CDH17: variants seen among roughly 807,000 people sequenced by gnomAD.
CDH17 encodes cadherin-17.
In CDH17, 67 loss-of-function variants were observed where a neutral mutation model predicts 86.3. The ratio of observed to expected loss-of-function variants is 0.78; its 90% CI spans 0.64 to 0.95. The LOEUF is 0.95. Ranked by LOEUF, CDH17 falls within the 40% of genes least tolerant of loss-of-function variation. CDH17 has a pLI of 0.00. For synonymous variants in CDH17, 367 were observed against 366.4 expected, an observed-to-expected ratio of 1.00 and a Z score of -0.02; for missense variants, 993 against 1,017.6, an observed-to-expected ratio of 0.98 and a Z score of 0.33.
At position 94,146,279 on chromosome 8, in the gene CDH17, AGAC is replaced by A. The variant is rs1247329140; in HGVS notation, c.1928-115_1928-113del. 9.4e-5 allele frequency: 90 copies of A among 957,088 alleles called. No individual in the cohort carries two copies. In the East Asian group the frequency reaches 2.3e-3, roughly 25 times the overall value. 59.3% of individuals were successfully genotyped at this position (957,088 alleles called of 1,614,324 possible). A position where few individuals can be genotyped will look rare whatever the true frequency, so the allele number is the denominator to read the frequency against. On this transcript the variant is annotated intron_variant, in intron 14 of 17. Coordinates refer to ENST00000027335, the MANE Select transcript of CDH17 (RefSeq NM_004063.4). ...AGTTAGGTACACTGAGATGCTAGAA[AGAC>A]GACAAGCTTTTAGAATCAAAGACCT...
In CDH17 at chr8:94,161,848, A is replaced by G. The variant is rs550822978; in HGVS notation, c.1359+238T>C. Among the ~76,000 whole-genome samples the G allele has an allele frequency of 2.0e-5, 3 of 152,340 alleles. No individual in the cohort carries two copies. In the South Asian group the frequency reaches 6.2e-4, roughly 32 times the overall value. On this transcript the variant is annotated intron_variant, in intron 11 of 17. Transcript: ENST00000027335. ...GTTGTTGTTTTTAAGCAGCCCTTGG[A>G]ATAAATGAGCTATTGGCAGGAGTTT...
At chr8:94,159,082 A>C (rs1563573489) in intron 12 of CDH17, among the ~76,000 whole-genome samples, 1 of 152,162 alleles carries the variant, frequency 6.6e-6, no homozygotes, top group Non-Finnish European at 1.5e-5. Flanking sequence ...CTGTAAGTAC[A>C]TTGGACGGCA....
intron 15 of CDH17, among the ~76,000 whole-genome samples, chr8:94,143,436 A>C (rs954899044): frequency 6.6e-5 from 10 of 152,188 alleles, no homozygotes; most frequent in Non-Finnish European, 1.2e-4. Flanking sequence ...CTAGTATTTT[A>C]GGAATGCTAA....
chr8:94,195,504 AG>A (rs1324085114), intron 1 of CDH17, among the ~76,000 whole-genome samples: 3 of 152,216 alleles, frequency 2.0e-5, no homozygotes, highest in African/African-American at 7.2e-5. Context: ...AATAAACCTA[AG>A]AAAAAATTAA....
chr8:94,189,655 A>G (rs1044744615), intron 2 of CDH17, among the ~76,000 whole-genome samples: 5 of 152,136 alleles, frequency 3.3e-5, no homozygotes, highest in African/African-American at 1.2e-4. Context: ...TCTAAATTAT[A>G]TATGTTTTTA....
chr8:94,186,882 G>A (rs920754831), intron 3 of CDH17, among the ~76,000 whole-genome samples: 18 of 152,230 alleles, frequency 1.2e-4, no homozygotes, highest in African/African-American at 2.6e-4. Flanking sequence ...GCTGACCTCC[G>A]CAGGCATGCA....
At chr8:94,190,383 C>T (rs7846243) in intron 2 of CDH17, among the ~76,000 whole-genome samples, 11,158 of 152,238 alleles carry the variant, frequency 0.073, 1,349 homozygotes, top group African/African-American at 0.25. Context: ...AGTCTCAGAA[C>T]ATGGGGAGCA....
chr8:94,128,810 C>T (rs191445402), intron 17 of CDH17, among the ~76,000 whole-genome samples: 88 of 152,272 alleles, frequency 5.8e-4, no homozygotes, highest in African/African-American at 2.1e-3. Context: ...TCATCGTGTC[C>T]ATACCAACTA....
At chr8:94,183,693 C>T (rs1813524865) in intron 3 of CDH17, among the ~76,000 whole-genome samples, 1 of 151,710 alleles carries the variant, frequency 6.6e-6, no homozygotes, top group Non-Finnish European at 1.5e-5. Context: ...GTACAAATAA[C>T]AATAACAATA....
intron 1 of CDH17, among the ~76,000 whole-genome samples, chr8:94,203,557 T>G (rs959673706): frequency 6.6e-6 from 1 of 152,204 alleles, no homozygotes; most frequent in Non-Finnish European, 1.5e-5. Flanking sequence ...TTTTCATCGA[T>G]TAATGTTCAG....
At chr8:94,157,418 C>T (rs1812967475) in intron 12 of CDH17, among the ~76,000 whole-genome samples, 1 of 152,156 alleles carries the variant, frequency 6.6e-6, no homozygotes, top group African/African-American at 2.4e-5. Context: ...AATTGGCTAA[C>T]ATTTGGTGTG....
At chr8:94,202,643 C>G (rs929843829) in intron 1 of CDH17, 1 of 156,628 alleles carries the variant, frequency 6.4e-6, no homozygotes, top group Non-Finnish European at 1.4e-5. Flanking sequence ...AGAATGGTCT[C>G]GAGGGCCGTG....
At chr8:94,216,692 C>G (rs765982322) in intron 1 of CDH17, among the ~76,000 whole-genome samples, 6 of 151,780 alleles carry the variant, frequency 4.0e-5, no homozygotes, top group Non-Finnish European at 8.8e-5. Context: ...TGTACTTCTT[C>G]TAAGTTACCA....
intron 12 of CDH17, 71 bp downstream of exon 12, chr8:94,159,883 ATCACCTCTGCTTATAGG>A: frequency 1.0e-6 from 1 of 961,158 alleles, no homozygotes; most frequent in African/African-American, 1.7e-5. Context: ...CTGCTAATAC[ATCACCTCTGCTTATAGG>A]TCTTCACACT....
At chr8:94,135,432 C>G (rs201687517) in intron 15 of CDH17, among the ~76,000 whole-genome samples, 2 of 152,058 alleles carry the variant, frequency 1.3e-5, no homozygotes, top group East Asian at 1.9e-4. Flanking sequence ...TGTCTCTTTT[C>G]ATCTTTGTTG....
intron 7 of CDH17, among the ~76,000 whole-genome samples, chr8:94,171,715 A>T (rs2130638053): frequency 6.6e-6 from 1 of 152,276 alleles, no homozygotes; most frequent in East Asian, 1.9e-4. Flanking sequence ...TGACGTACAG[A>T]CTACTGTTAT....
chr8:94,152,554 C>T (rs140073684), intron 12 of CDH17, among the ~76,000 whole-genome samples: 11,976 of 152,266 alleles, frequency 0.079, 646 homozygotes, highest in Non-Finnish European at 0.12. Flanking sequence ...CCCACCACCA[C>T]ACCCAGCTAA....
rs1241122961 is a variant in CDH17, at chr8:94,194,616, GA to G, written c.51+18del. Reference sequence around the variant, plus strand: ...AATATTCTAGTAAACAAATAGAGAAGAACACCCTCTTCTCTTACCAAATAAA... The same window carrying G: ...AATATTCTAGTAAACAAATAGAGAAGACACCCTCTTCTCTTACCAAATAAA... On this transcript the variant is annotated intron_variant, in intron 2 of 17. Coordinates refer to ENST00000027335, the MANE Select transcript of CDH17 (RefSeq NM_004063.4). 6.5e-7 allele frequency: 1 copy of G among 1,543,914 alleles called. No homozygotes were observed.
At chr8:94,183,737 T>C (rs1026212347) in intron 3 of CDH17, among the ~76,000 whole-genome samples, 5 of 151,964 alleles carry the variant, frequency 3.3e-5, no homozygotes, top group Admixed American at 1.3e-4. Context: ...AAAGCATTTG[T>C]GCTCCAAAGG....
Sources: allele counts gnomAD v4.1 joint callset (sites outside exome capture counted in the v4.1 genomes callset), GRCh38; gene constraint gnomAD v4.1.1; transcripts MANE v1.5; gene names NCBI Gene and HGNC (gene_info 2026-07-23, HGNC 2026-07-21).